The following RPS6 variants were observed in gnomAD, a reference collection of about 807,000 sequenced individuals.
RPS6 encodes ribosomal protein S6, also known as small ribosomal subunit protein eS6.
RPS6 carries 1 observed loss-of-function variant against 27.1 expected under a neutral mutation model. The observed-to-expected ratio is 0.04, with a 90% CI of 0.01 to 0.18. RPS6 has a LOEUF of 0.18. Among genes scored for constraint, RPS6 ranks in the 10% least tolerant of loss-of-function variants. RPS6 has a pLI of 1.00. For missense variants in RPS6, 259 were observed against 319.1 expected (o/e 0.81, Z 1.44); for synonymous variants, 152 against 106.0 (o/e 1.43, Z -2.66).
At chr9:19,379,147 G>A (rs978171819) in intron 2 of RPS6, 5 of 787,106 alleles carry the variant, frequency 6.4e-6, no homozygotes, top group African/African-American at 3.5e-5. Context: ...TTTTATTAGA[G>A]ATAACAGCAC....
Position 19,379,207 on chromosome 9 carries a change from T to C in RPS6, c.138+280A>G. On this transcript the variant is annotated intron_variant, in intron 2 of 5. Coordinates refer to ENST00000380394, the MANE Select transcript of RPS6 (RefSeq NM_001010.3). ...AACAAACAAATCAGATACAACCCTT[T>C]TTGGCACTTTGGGGATTATGAGGAC... The C allele has an allele frequency of 1.3e-5, 15 of 1,116,824 alleles. No homozygotes were observed. In the South Asian group the frequency reaches 2.6e-4, roughly 19 times the overall value. 69.2% of individuals were successfully genotyped at this position (1,116,824 alleles called of 1,614,324 possible).
Position 19,380,200 on chromosome 9 carries a change from A to G in RPS6, c.-5T>C. On this transcript the variant is annotated 5_prime_UTR_variant, in exon 1 of 6. Coordinates refer to ENST00000380394, the MANE Select transcript of RPS6 (RefSeq NM_001010.3). Reference sequence around the variant, plus strand: ...GCCACCATCACCTACCTTCATCTTGAAGCAGCTGAACGCCTCCGAGGCGCC... The same window carrying G: ...GCCACCATCACCTACCTTCATCTTGGAGCAGCTGAACGCCTCCGAGGCGCC... 2 of 1,613,358 alleles carry G rather than the reference A, an allele frequency of 1.2e-6. No individual in the cohort carries two copies. The highest frequency in any genetic ancestry group is 1.7e-6 in the Non-Finnish European group (2 of 1,179,316).
intron 3 of RPS6, 37 bp from the exon 4 acceptor site, chr9:19,378,551 A>G (rs765900885): frequency 2.1e-5 from 33 of 1,603,954 alleles, no homozygotes; most frequent in African/African-American, 1.9e-4. Flanking sequence ...TAATTCAACA[A>G]CTTCCTTAAG....
rs1829583339 is a variant in RPS6, at chr9:19,376,210, C to G, written c.*83G>C. On this transcript the variant is annotated 3_prime_UTR_variant, in exon 6 of 6. Transcript: ENST00000380394. ...TTTTCTATGACCTAACTTTCCCTCT[C>G]TTCATTTATGTAGTTTTCTATCAGC... 8.3e-7 allele frequency: 1 copy of G among 1,208,520 alleles called. No individual in the cohort carries two copies. Among genetic ancestry groups the G allele is most frequent in the Admixed American group, 2.1e-5 (1 of 48,376 alleles). 74.9% of individuals were successfully genotyped at this position (1,208,520 alleles called of 1,614,324 possible).
intron 4 of RPS6, among the ~76,000 whole-genome samples, chr9:19,377,354 G>A (rs925175090): frequency 2.7e-5 from 4 of 149,862 alleles, no homozygotes; most frequent in African/African-American, 9.9e-5. Flanking sequence ...TATTTCCAGG[G>A]CTATGATTAT....
chr9:19,378,312 A>G (rs1829623036), intron 4 of RPS6, 56 bp downstream of exon 4: 1 of 1,563,020 alleles, frequency 6.4e-7, no homozygotes, highest in Non-Finnish European at 8.8e-7. Flanking sequence ...TATGCACACA[A>G]AATGATAGAC....
At chr9:19,378,235 A>G in intron 4 of RPS6, 133 bp downstream of exon 4, 1 of 853,184 alleles carries the variant, frequency 1.2e-6, no homozygotes, top group Non-Finnish European at 1.8e-6. Context: ...CCACCCCCAA[A>G]TATTTTCTGT....
At chr9:19,380,150 G>A in intron 1 of RPS6, 40 bp downstream of exon 1, 2 of 1,613,610 alleles carry the variant, frequency 1.2e-6, no homozygotes, top group Non-Finnish European at 1.7e-6. Context: ...CTCGATTCAC[G>A]TTCCCCAAAC....
chr9:19,380,016 T>C (rs1364861692), intron 1 of RPS6, 174 bp downstream of exon 1: 3 of 1,509,570 alleles, frequency 2.0e-6, no homozygotes, highest in Non-Finnish European at 1.8e-6. Context: ...CGCAATCGCC[T>C]GCCATCCGTT....
Position 19,376,404 on chromosome 9 carries a change from C to T in RPS6, c.655-16G>A. 1 of 1,613,716 alleles carries T rather than the reference C, an allele frequency of 6.2e-7. No individual in the cohort carries two copies. On this transcript the variant is annotated splice_polypyrimidine_tract_variant and intron_variant, in intron 5 of 5. Transcript: ENST00000380394. ...CCTTAGCCTCCTAAACAAAACAAAA[C>T]AGCAAACAGTTAAGGCCTTTCTGGG...
Position 19,379,957 on chromosome 9 carries a change from T to C in RPS6, c.6+233A>G, listed in dbSNP as rs1002877675. ...GGCAACACGCCGCATCCGTCCCGGCTGGGCGCGGGGACGCCACCATGGCGC... is the reference window on the plus strand; with the variant it reads ...GGCAACACGCCGCATCCGTCCCGGCCGGGCGCGGGGACGCCACCATGGCGC... On this transcript the variant is annotated intron_variant, in intron 1 of 5. Transcript: ENST00000380394. 1.5e-5 allele frequency: 21 copies of C among 1,438,200 alleles called. No individual in the cohort carries two copies. The African/African-American group carries it at 2.7e-4, about 19-fold the overall frequency. The allele number at this position is 1,438,200 out of a possible 1,614,324, so 89.1% of individuals were successfully genotyped here.
At position 19,376,253 on chromosome 9, in the gene RPS6, G is replaced by A; in HGVS notation, c.*40C>T. 2 of 1,517,580 alleles carry A rather than the reference G, an allele frequency of 1.3e-6. No homozygotes were observed. The highest frequency in any genetic ancestry group is 1.8e-6 in the Non-Finnish European group (2 of 1,105,044). The allele number at this position is 1,517,580 out of a possible 1,614,324, so 94.0% of individuals were successfully genotyped here. A position where few individuals can be genotyped will look rare whatever the true frequency, so the allele number is the denominator to read the frequency against. On this transcript the variant is annotated 3_prime_UTR_variant, in exon 6 of 6. Coordinates refer to ENST00000380394, the MANE Select transcript of RPS6 (RefSeq NM_001010.3). ...CTATCAGCAATGAAAAGTCAACAGAGATCAGAGTCTGATCTTATTTATTTG... is the reference window on the plus strand; with the variant it reads ...CTATCAGCAATGAAAAGTCAACAGAAATCAGAGTCTGATCTTATTTATTTG...
Position 19,376,663 on chromosome 9 carries a change from A to G in RPS6, c.497-12T>C, listed in dbSNP as rs1258079839. 1.3e-6 allele frequency: 2 copies of G among 1,597,454 alleles called. No individual in the cohort carries two copies. Among genetic ancestry groups the G allele is most frequent in the Non-Finnish European group, 1.7e-6 (2 of 1,175,670 alleles). Reference sequence around the variant, plus strand: ...CCTAGGTTTCTTACCTAAAAATTCAAAGGACTCAATCATTTCAATATTTGT... The same window carrying G: ...CCTAGGTTTCTTACCTAAAAATTCAGAGGACTCAATCATTTCAATATTTGT... On this transcript the variant is annotated splice_polypyrimidine_tract_variant and intron_variant, in intron 4 of 5. Coordinates refer to ENST00000380394, the MANE Select transcript of RPS6 (RefSeq NM_001010.3).
At chr9:19,379,276 T>C (rs1829639812) in intron 2 of RPS6, 1 of 1,457,920 alleles carries the variant, frequency 6.9e-7, no homozygotes. Context: ...GGGCAAGAAT[T>C]ATGTTGATGT....
At chr9:19,376,864 C>G (rs1829597240) in intron 4 of RPS6, 3 of 441,490 alleles carry the variant, frequency 6.8e-6, no homozygotes, top group Non-Finnish European at 1.2e-5. Flanking sequence ...TAAGGGAAAC[C>G]AAGTCCTGAA....
chr9:19,380,220 G>C lies in RPS6; in HGVS notation c.-25C>G, dbSNP rs753446607. 1.9e-6 allele frequency: 3 copies of C among 1,613,306 alleles called. No individual in the cohort carries two copies. The highest frequency in any genetic ancestry group is 2.2e-5 in the South Asian group (2 of 91,078). On this transcript the variant is annotated 5_prime_UTR_variant, in exon 1 of 6. Transcript: ENST00000380394. ...TCTTGAAGCAGCTGAACGCCTCCGA[G>C]GCGCCACGGAAAAGAGGGCCAACTT...
Position 19,379,309 on chromosome 9 carries a change from C to T in RPS6, c.138+178G>A, listed in dbSNP as rs764900402. The T allele has an allele frequency of 2.7e-6, 4 of 1,488,504 alleles. No individual in the cohort carries two copies. In the African/African-American group the frequency reaches 5.7e-5, roughly 21 times the overall value. The allele number at this position is 1,488,504 out of a possible 1,614,324, so 92.2% of individuals were successfully genotyped here. Reference sequence around the variant, plus strand: ...TGTAAACTTTACGTATATTTTATGGCTTACTCTACGTCCCCCCCTCCAAGG... The same window carrying T: ...TGTAAACTTTACGTATATTTTATGGTTTACTCTACGTCCCCCCCTCCAAGG... On this transcript the variant is annotated intron_variant, in intron 2 of 5. Coordinates refer to ENST00000380394, the MANE Select transcript of RPS6 (RefSeq NM_001010.3).
At chr9:19,379,127 C>G (rs1829637203) in intron 2 of RPS6, 1 of 776,692 alleles carries the variant, frequency 1.3e-6, no homozygotes. Context: ...AGTCGCATTT[C>G]TAACCGATGT....
chr9:19,378,250 A>G (rs1484123956), intron 4 of RPS6, 118 bp downstream of exon 4: 3 of 979,918 alleles, frequency 3.1e-6, no homozygotes, highest in Admixed American at 5.2e-5. Context: ...TTCTGTAAAA[A>G]CTCCAAGTGA....
Sources: allele counts gnomAD v4.1 joint callset (sites outside exome capture counted in the v4.1 genomes callset), GRCh38; gene constraint gnomAD v4.1.1; transcripts MANE v1.5; gene names NCBI Gene and HGNC (gene_info 2026-07-23, HGNC 2026-07-21).